ARMH1: variants seen among roughly 807,000 people sequenced by gnomAD.
ARMH1 encodes the protein armadillo-like helical domain containing protein 1.
ARMH1 carries 34 observed loss-of-function variants against 50.2 expected under a neutral mutation model. That is an observed-to-expected ratio of 0.68 (90% CI 0.51 to 0.90). The LOEUF (loss-of-function observed/expected upper bound fraction) is 0.90, where lower values mean the gene tolerates loss of function less well. Among genes scored for constraint, ARMH1 ranks in the 40% least tolerant of loss-of-function variants. ARMH1 has a pLI of 0.00. For missense variants in ARMH1, 538 were observed against 553.9 expected (o/e 0.97, Z 0.29); for synonymous variants, 221 against 224.2 (o/e 0.99, Z 0.13).
At chr1:44,676,592 G>A (rs769629544) in intron 1 of ARMH1, among the ~76,000 whole-genome samples, 1 of 152,224 alleles carries the variant, frequency 6.6e-6, no homozygotes, top group Non-Finnish European at 1.5e-5. Flanking sequence ...AGGAAGGAAA[G>A]TGTTGAAGGC....
chr1:44,680,965 C>T (rs1240960181), intron 1 of ARMH1, among the ~76,000 whole-genome samples: 1 of 151,802 alleles, frequency 6.6e-6, no homozygotes, highest in Non-Finnish European at 1.5e-5. Flanking sequence ...TAACTGGTGC[C>T]CCCACCTCCA....
Position 44,725,180 on chromosome 1 carries a change from G to T in ARMH1, c.1173G>T (p.Ala391=). The T allele has an allele frequency of 1.3e-6, 2 of 1,552,006 alleles. No individual in the cohort carries two copies. Among genetic ancestry groups the T allele is most frequent in the South Asian group, 2.4e-5 (2 of 84,060 alleles). Residue 391 remains alanine, a synonymous_variant, in exon 11 of 12, where the codon GCG becomes GCT. Coordinates refer to ENST00000535358, the MANE Select transcript of ARMH1 (RefSeq NM_001145636.2). Reference sequence around the variant, plus strand: ...ACATGAAAATAGACAGCATTCAGGCGGACATCTTGGCGGCCAACACAGTCA... The same window carrying T: ...ACATGAAAATAGACAGCATTCAGGCTGACATCTTGGCGGCCAACACAGTCA... The part of the protein sequence containing the change: ...DLYMKIDSIQ[A]DILAANTVNV...
At chr1:44,706,022 G>A (rs528370716) in intron 6 of ARMH1, among the ~76,000 whole-genome samples, 1 of 152,310 alleles carries the variant, frequency 6.6e-6, no homozygotes, top group East Asian at 1.9e-4. Flanking sequence ...TCTAGGAAAG[G>A]TAGGCTAGGA....
At chr1:44,716,905 C>T (rs1646876034) in intron 6 of ARMH1, among the ~76,000 whole-genome samples, 1 of 148,726 alleles carries the variant, frequency 6.7e-6, no homozygotes, top group Non-Finnish European at 1.5e-5. Flanking sequence ...GGCTGGAGTG[C>T]AGTGGCGCGA....
chr1:44,704,040 A>C, intron 5 of ARMH1, 49 bp from the exon 6 acceptor site: 2 of 222,884 alleles, frequency 9.0e-6, no homozygotes, highest in Non-Finnish European at 1.5e-5. Context: ...ATCCATCTTT[A>C]AAAAAAAAAA....
chr1:44,702,958 GAAT>G (rs1421418315), intron 5 of ARMH1, among the ~76,000 whole-genome samples: 2 of 152,148 alleles, frequency 1.3e-5, no homozygotes, highest in Non-Finnish European at 2.9e-5. Context: ...ATCAAAGGAT[GAAT>G]AGGGGATGAA....
intron 6 of ARMH1, among the ~76,000 whole-genome samples, chr1:44,721,635 G>A (rs1216982966): frequency 6.6e-6 from 1 of 152,112 alleles, no homozygotes; most frequent in Admixed American, 6.6e-5. Flanking sequence ...AGGCTGAGGT[G>A]GGAGGATTGC....
At chr1:44,703,352 C>T (rs1207701638) in intron 5 of ARMH1, among the ~76,000 whole-genome samples, 1 of 152,106 alleles carries the variant, frequency 6.6e-6, no homozygotes, top group African/African-American at 2.4e-5. Context: ...TGCCCTCCCT[C>T]CCTCTCCCCA....
chr1:44,719,588 C>T (rs1045459383), intron 6 of ARMH1, among the ~76,000 whole-genome samples: 5 of 152,222 alleles, frequency 3.3e-5, no homozygotes, highest in African/African-American at 1.2e-4. Context: ...TTTTGGAAAT[C>T]ATCAATGATA....
chr1:44,718,005 G>A (rs1038024868), intron 6 of ARMH1, among the ~76,000 whole-genome samples: 1 of 152,206 alleles, frequency 6.6e-6, no homozygotes, highest in African/African-American at 2.4e-5. Flanking sequence ...ATTTTTCTAA[G>A]TAGCTCCAAG....
At chr1:44,714,318 G>T (rs1646753133) in intron 6 of ARMH1, among the ~76,000 whole-genome samples, 1 of 151,022 alleles carries the variant, frequency 6.6e-6, no homozygotes, top group Non-Finnish European at 1.5e-5. Context: ...AGGCCTGGTG[G>T]CTCATGCCTG....
rs577792653 is a variant in ARMH1, at chr1:44,709,133, G to A, written c.724+4960G>A. On this transcript the variant is annotated intron_variant, in intron 6 of 11. Coordinates refer to ENST00000535358, the MANE Select transcript of ARMH1 (RefSeq NM_001145636.2). ...CCTACTTGACCTCCCAGCTGCTTTC[G>A]ACCCAGTTGATCACTCCCTCACTTT... Among the ~76,000 whole-genome samples the A allele has an allele frequency of 1.3e-4, 19 of 151,828 alleles. No individual in the cohort carries two copies. The South Asian group carries it at 4.0e-3, about 32-fold the overall frequency.
intron 1 of ARMH1, among the ~76,000 whole-genome samples, chr1:44,676,387 A>G (rs1226692944): frequency 6.6e-6 from 1 of 152,180 alleles, no homozygotes; most frequent in Non-Finnish European, 1.5e-5. Context: ...GGCCTTATAG[A>G]TGCCAGCCAC....
intron 6 of ARMH1, among the ~76,000 whole-genome samples, chr1:44,721,352 G>A (rs964338996): frequency 6.6e-6 from 1 of 152,006 alleles, no homozygotes; most frequent in African/African-American, 2.4e-5. Flanking sequence ...TAACTCTTAA[G>A]TTTTTCCTAC....
rs921148161 is a variant in ARMH1 at position 44,681,140 on chromosome 1, G to A, written c.-23+6267G>A. The stretch of plus-strand genomic sequence containing the variant: ...CTCCCGAGTAGCTGGGACTGCAGGC[G>A]TCCACCACCATGCCCGGCTAACTTT... On this transcript the variant is annotated intron_variant, in intron 1 of 11. Transcript: ENST00000535358. The surrounding 1 kb of genome is among the most constrained non-coding windows in gnomAD (Gnocchi z 4.3). 2.0e-5 allele frequency among the ~76,000 whole-genome samples: 3 copies of A among 151,698 alleles called. No individual in the cohort carries two copies. The highest frequency in any genetic ancestry group is 2.9e-5 in the Non-Finnish European group (2 of 67,944).
intron 2 of ARMH1, among the ~76,000 whole-genome samples, chr1:44,694,383 C>T (rs1024734490): frequency 1.3e-5 from 2 of 152,106 alleles, no homozygotes; most frequent in Non-Finnish European, 2.9e-5. Flanking sequence ...AATTGACTAC[C>T]ACATAGTCCC....
At chr1:44,676,169 G>A (rs905736936) in intron 1 of ARMH1, among the ~76,000 whole-genome samples, 1 of 152,126 alleles carries the variant, frequency 6.6e-6, no homozygotes, top group African/African-American at 2.4e-5. Flanking sequence ...GGGAAGTAAG[G>A]GAAATGAAGG....
intron 3 of ARMH1, among the ~76,000 whole-genome samples, chr1:44,697,527 C>T (rs1645867961): frequency 2.0e-5 from 3 of 152,304 alleles, no homozygotes; most frequent in South Asian, 4.1e-4. Flanking sequence ...GTCATCAGTA[C>T]TTGGCCTCCT....
At chr1:44,677,518 G>A (rs1645175695) in intron 1 of ARMH1, among the ~76,000 whole-genome samples, 2 of 152,208 alleles carry the variant, frequency 1.3e-5, no homozygotes, top group Admixed American at 6.5e-5. Flanking sequence ...TCCCAGTGAA[G>A]TCAGAGAATC....
Sources: gnomAD v4.1 joint callset for allele counts (sites outside exome capture counted in the v4.1 genomes callset) on GRCh38, gnomAD v4.1.1 for gene constraint, Gnocchi (gnomAD v3.1) non-coding constraint, MANE v1.5 for transcripts, NCBI Gene and HGNC (gene_info 2026-07-23, HGNC 2026-07-21) for gene names.